Variants in ASNS observed in about 807,000 individuals in gnomAD.
The protein encoded by ASNS is asparagine synthetase [glutamine-hydrolyzing].
In ASNS, 37 loss-of-function variants were observed where a neutral mutation model predicts 62.6. That is an observed-to-expected ratio of 0.59 (90% CI 0.45 to 0.78). The LOEUF is 0.78. Among genes scored for constraint, ASNS ranks in the 30% least tolerant of loss-of-function variants. ASNS has a pLI of 0.00. For synonymous variants in ASNS, 207 were observed against 237.9 expected, an observed-to-expected ratio of 0.87 and a Z score of 1.19; for missense variants, 520 against 682.4, an observed-to-expected ratio of 0.76 and a Z score of 2.65.
At chr7:97,875,751 A>C (rs1247483431), upstream of ASNS, among the ~76,000 whole-genome samples, 2 of 152,208 alleles carry the variant, frequency 1.3e-5, no homozygotes, top group Non-Finnish European at 2.9e-5. Context: ...TTCCCTAGAT[A>C]TTACACAGAA....
At chr7:97,861,666 A>G (rs1791725614) in intron 4 of ASNS, among the ~76,000 whole-genome samples, 1 of 152,216 alleles carries the variant, frequency 6.6e-6, no homozygotes. Context: ...GCAATTCCAT[A>G]TGAATTTGAG....
At chr7:97,868,542 T>C (rs1297466192) in intron 3 of ASNS, among the ~76,000 whole-genome samples, 2 of 152,068 alleles carry the variant, frequency 1.3e-5, no homozygotes, top group African/African-American at 4.8e-5. Context: ...TGTGTGTGTG[T>C]GTAGAAAGAA....
intron 4 of ASNS, among the ~76,000 whole-genome samples, chr7:97,860,960 C>T (rs1294721467): frequency 2.0e-5 from 3 of 149,760 alleles, no homozygotes; most frequent in Admixed American, 6.6e-5. Context: ...GTTTGCTTCT[C>T]GGGATTTTAT....
the ASNS span, among the ~76,000 whole-genome samples, chr7:97,878,024 G>A: frequency 6.6e-6 from 1 of 152,184 alleles, no homozygotes; most frequent in African/African-American, 2.4e-5. Context: ...TCACGGATGA[G>A]AGCAGCCCAC....
At chr7:97,925,278 G>T in the ASNS span, among the ~76,000 whole-genome samples, 1 of 152,106 alleles carries the variant, frequency 6.6e-6, no homozygotes, top group Non-Finnish European at 1.5e-5. Flanking sequence ...GAGGTCCCTG[G>T]AGTAGTATTA....
chr7:97,921,723 G>T, the ASNS span, among the ~76,000 whole-genome samples: 3 of 152,184 alleles, frequency 2.0e-5, no homozygotes, highest in Non-Finnish European at 4.4e-5. Context: ...AAGGAAATGT[G>T]ATAACAAGAC....
At chr7:97,868,169 A>T (rs777832927) in intron 3 of ASNS, among the ~76,000 whole-genome samples, 1 of 152,134 alleles carries the variant, frequency 6.6e-6, no homozygotes, top group Admixed American at 6.5e-5. Flanking sequence ...TTAGCTGGGC[A>T]TGGTGGCAGG....
At chr7:97,918,600 C>G in the ASNS span, among the ~76,000 whole-genome samples, 1 of 152,200 alleles carries the variant, frequency 6.6e-6, no homozygotes. Context: ...TCCATTTTTA[C>G]TTTTTAAAAA....
chr7:97,928,024 C>T, the ASNS span: 5 of 1,026,420 alleles, frequency 4.9e-6, no homozygotes, highest in Admixed American at 6.3e-5. Context: ...CCCTACCCCG[C>T]GTCCCCAGCA....
chr7:97,878,670 C>T, the ASNS span, among the ~76,000 whole-genome samples: 1,557 of 152,274 alleles, frequency 0.01, 17 homozygotes, highest in Middle Eastern at 0.017. Flanking sequence ...AAGAACATTC[C>T]ATGCTCATGG....
At chr7:97,908,610 C>G in the ASNS span, among the ~76,000 whole-genome samples, 1 of 152,068 alleles carries the variant, frequency 6.6e-6, no homozygotes, top group Non-Finnish European at 1.5e-5. Context: ...TCTTGTTGGC[C>G]AGGCTGGTCT....
the ASNS span, among the ~76,000 whole-genome samples, chr7:97,921,884 G>T: frequency 2.0e-5 from 3 of 151,980 alleles, no homozygotes; most frequent in Non-Finnish European, 2.9e-5. Flanking sequence ...CCCCCAACTG[G>T]TCTCCATTAC....
At chr7:97,927,351 A>G in the ASNS span, among the ~76,000 whole-genome samples, 1 of 152,146 alleles carries the variant, frequency 6.6e-6, no homozygotes, top group Non-Finnish European at 1.5e-5. Flanking sequence ...AAGTCTTTCT[A>G]TGGACGAGCA....
chr7:97,854,236 G>T (rs565930195), intron 10 of ASNS, among the ~76,000 whole-genome samples: 10 of 152,314 alleles, frequency 6.6e-5, no homozygotes, highest in African/African-American at 2.4e-4. Context: ...CTTAACGGTA[G>T]CTGCTGTAGC....
At chr7:97,918,372 G>A in the ASNS span, among the ~76,000 whole-genome samples, 1 of 152,354 alleles carries the variant, frequency 6.6e-6, no homozygotes, top group South Asian at 2.1e-4. Context: ...ACCAAGTGAT[G>A]TGTGTAAGGA....
At chr7:97,920,664 G>C in the ASNS span, among the ~76,000 whole-genome samples, 1 of 152,240 alleles carries the variant, frequency 6.6e-6, no homozygotes, top group Non-Finnish European at 1.5e-5. Flanking sequence ...CAGTCAGGAG[G>C]ACTGTCACCT....
rs772174678 is a variant in ASNS, at chr7:97,859,266, C to G, written c.620G>C (p.Cys207Ser). 9 of 1,613,976 alleles carry G rather than the reference C, an allele frequency of 5.6e-6. No individual in the cohort carries two copies. In the South Asian group the frequency reaches 9.9e-5, roughly 18 times the overall value. Residue 207 changes from cysteine (C) to serine (S), a missense_variant, in exon 5 of 13, where the codon TGT becomes TCT. Transcript: ENST00000394308. ...ASVEMVKYHH[C>S]RDVPLHALYD... is the part of the protein sequence containing the mutation. Reference sequence around the variant, plus strand: ...GAGGGCGTGCAGGGGTACATCCCGACAGTGATGATATTTAACCATTTCCAC... The same window carrying G: ...GAGGGCGTGCAGGGGTACATCCCGAGAGTGATGATATTTAACCATTTCCAC...
chr7:97,885,744 A>C, the ASNS span: 1 of 230,036 alleles, frequency 4.3e-6, no homozygotes, highest in Non-Finnish European at 8.6e-6. Context: ...GATTTAAACA[A>C]ATCTATCCAA....
chr7:97,926,143 CT>C, the ASNS span, among the ~76,000 whole-genome samples: 1 of 150,702 alleles, frequency 6.6e-6, no homozygotes, highest in Admixed American at 6.6e-5. Flanking sequence ...CTAAAACATC[CT>C]TTAGCCAACA....
Sources: allele counts gnomAD v4.1 joint callset (sites outside exome capture counted in the v4.1 genomes callset), GRCh38; gene constraint gnomAD v4.1.1; transcripts MANE v1.5; gene names NCBI Gene and HGNC (gene_info 2026-07-23, HGNC 2026-07-21).